Variants in ZBTB38 observed in about 807,000 individuals in gnomAD.
ZBTB38 encodes zinc finger and BTB domain containing 38.
Under a neutral mutation model 76.8 loss-of-function variants are expected in ZBTB38, and 20 were observed. The observed-to-expected ratio is 0.26, with a 90% CI of 0.18 to 0.38. The LOEUF (loss-of-function observed/expected upper bound fraction) is 0.38, where lower values mean the gene tolerates loss of function less well. Ranked by LOEUF, ZBTB38 falls within the 10% of genes least tolerant of loss-of-function variation. ZBTB38 has a pLI of 1.00. For synonymous variants in ZBTB38, 504 were observed against 544.2 expected, an observed-to-expected ratio of 0.93 and a Z score of 1.03; for missense variants, 1,082 against 1,482.3, an observed-to-expected ratio of 0.73 and a Z score of 4.43.
At chr3:141,383,070 T>C (rs886394869) in intron 3 of ZBTB38, among the ~76,000 whole-genome samples, 1 of 152,180 alleles carries the variant, frequency 6.6e-6, no homozygotes, top group Non-Finnish European at 1.5e-5. Context: ...GAAATAAACA[T>C]TGGACGTGTA....
chr3:141,412,872 C>T (rs568232530), intron 5 of ZBTB38, among the ~76,000 whole-genome samples: 2 of 152,074 alleles, frequency 1.3e-5, no homozygotes, highest in South Asian at 4.1e-4. Context: ...GTCGCTTTTC[C>T]ATAGTAGGAA....
intron 5 of ZBTB38, chr3:141,434,322 A>AGT: frequency 1.9e-6 from 1 of 528,806 alleles, no homozygotes; most frequent in Non-Finnish European, 2.4e-6. Context: ...TTATTCAGGC[A>AGT]GAATGTAGAA....
In ZBTB38 at chr3:141,445,833, T is replaced by C. The variant is rs200635055; in HGVS notation, c.3445T>C (p.Phe1149Leu). The C allele has an allele frequency of 1.1e-5, 18 of 1,614,134 alleles. No homozygotes were observed. Among genetic ancestry groups the C allele is most frequent in the Non-Finnish European group, 1.4e-5 (17 of 1,180,040 alleles). ...ALGMHQKKHL[F>L]KSPSQQEKIG... Reference sequence around the variant, plus strand: ...TGGAATGCACCAAAAGAAACACTTATTCAAAAGCCCAAGTCAGCAGGAGAA... The same window carrying C: ...TGGAATGCACCAAAAGAAACACTTACTCAAAAGCCCAAGTCAGCAGGAGAA... The change falls in exon 6 of 6, where the codon TTC (phenylalanine) becomes CTC (leucine). Residue 1149 changes from phenylalanine to leucine, a missense_variant. Transcript: ENST00000321464. This position sits in a 1 kb window ranked among gnomAD's most constrained non-coding sequence, Gnocchi z 6.5.
chr3:141,364,772 C>A (rs1209931226), upstream of ZBTB38, among the ~76,000 whole-genome samples: 1 of 144,312 alleles, frequency 6.9e-6, no homozygotes, highest in Admixed American at 7.2e-5. Context: ...TACAAGTGAC[C>A]AATAAGCTCC....
chr3:141,418,945 C>T (rs2074722467), intron 5 of ZBTB38, among the ~76,000 whole-genome samples: 1 of 152,196 alleles, frequency 6.6e-6, no homozygotes. Context: ...ATGCTATAGA[C>T]TGATCAGGAA....
chr3:141,441,722 C>G (rs757665675), intron 5 of ZBTB38, among the ~76,000 whole-genome samples: 27 of 152,132 alleles, frequency 1.8e-4, no homozygotes, highest in Non-Finnish European at 3.7e-4. Flanking sequence ...AAAAAAATAG[C>G]CTGGGCAACA....
At chr3:141,349,956 C>G (rs541397009) in intron 1 of ZBTB38, among the ~76,000 whole-genome samples, 4 of 152,196 alleles carry the variant, frequency 2.6e-5, no homozygotes, top group South Asian at 2.1e-4. Flanking sequence ...ACAAAAATAT[C>G]TCTATATATT....
intron 1 of ZBTB38, among the ~76,000 whole-genome samples, chr3:141,351,674 C>T (rs1268722126): frequency 7.0e-6 from 1 of 142,860 alleles, no homozygotes; most frequent in Non-Finnish European, 1.5e-5. Flanking sequence ...TAGCTGTAAT[C>T]ATTCCACTGC....
At chr3:141,379,339 T>C (rs1945864684) in intron 2 of ZBTB38, among the ~76,000 whole-genome samples, 1 of 152,192 alleles carries the variant, frequency 6.6e-6, no homozygotes, top group African/African-American at 2.4e-5. Context: ...TCCCAGGTTC[T>C]GCAGAGGAGT....
At chr3:141,412,232 G>GA (rs963572861) in intron 5 of ZBTB38, among the ~76,000 whole-genome samples, 27 of 150,790 alleles carry the variant, frequency 1.8e-4, no homozygotes, top group African/African-American at 6.1e-4. Flanking sequence ...TGGTCGGGAA[G>GA]AAAAAAAAAT....
At chr3:141,395,147 A>C (rs1473742225) in intron 4 of ZBTB38, among the ~76,000 whole-genome samples, 1 of 152,256 alleles carries the variant, frequency 6.6e-6, no homozygotes, top group East Asian at 1.9e-4. Context: ...GCAGCACGCT[A>C]TCTATAACAA....
At chr3:141,388,468 C>T (rs1369451298) in intron 4 of ZBTB38, 2 of 152,100 alleles carry the variant, frequency 1.3e-5, no homozygotes, top group Non-Finnish European at 2.9e-5. Flanking sequence ...AGAAATAGAG[C>T]TTCACTAAAT....
intron 1 of ZBTB38, among the ~76,000 whole-genome samples, chr3:141,350,520 T>A (rs1193950106): frequency 6.6e-6 from 1 of 152,194 alleles, no homozygotes; most frequent in Non-Finnish European, 1.5e-5. Flanking sequence ...CTACTTCAAT[T>A]TGGACGTCTT....
Position 141,400,206 on chromosome 3 carries a change from GA to G in ZBTB38, c.-105-3717del, listed in dbSNP as rs535058714. Among the ~76,000 whole-genome samples, 130 of 152,246 alleles carry G rather than the reference GA, an allele frequency of 8.5e-4. No homozygotes were observed. The South Asian group carries it at 0.026, about 31-fold the overall frequency. The stretch of plus-strand genomic sequence containing the variant: ...CTGTGACTGGTTATGAGGAAGGATG[GA>G]AAATTTTGAAGAACGGGTTGATTAT... On this transcript the variant is annotated intron_variant, in intron 4 of 5. Transcript: ENST00000321464.
chr3:141,391,546 C>A (rs1487589738), intron 4 of ZBTB38, among the ~76,000 whole-genome samples: 1 of 152,134 alleles, frequency 6.6e-6, no homozygotes, highest in Non-Finnish European at 1.5e-5. Flanking sequence ...CCCGTCACGA[C>A]CCTGAAACTG....
intron 5 of ZBTB38, among the ~76,000 whole-genome samples, chr3:141,429,617 T>C (rs1157366507): frequency 6.6e-6 from 1 of 151,068 alleles, no homozygotes; most frequent in African/African-American, 2.4e-5. Context: ...GCGGGCAGAG[T>C]GGACAGTAAA....
intron 4 of ZBTB38, chr3:141,396,448 C>A: frequency 6.0e-6 from 1 of 167,604 alleles, no homozygotes; most frequent in South Asian, 1.8e-4. Flanking sequence ...CCACTGAAGT[C>A]TTGAATCTCT....
At chr3:141,377,229 C>A (rs78606994) in intron 2 of ZBTB38, among the ~76,000 whole-genome samples, 3,962 of 152,314 alleles carry the variant, frequency 0.026, 127 homozygotes, top group East Asian at 0.091. Flanking sequence ...AAGACTCAGC[C>A]CCCCCATCCA....
At chr3:141,358,523 C>G (rs1354420042) in intron 1 of ZBTB38, among the ~76,000 whole-genome samples, 1 of 152,192 alleles carries the variant, frequency 6.6e-6, no homozygotes, top group Non-Finnish European at 1.5e-5. Flanking sequence ...CTGAAATGTT[C>G]TTTTAAAAAT....
Sources: gnomAD v4.1 joint callset for allele counts (sites outside exome capture counted in the v4.1 genomes callset) on GRCh38, gnomAD v4.1.1 for gene constraint, Gnocchi (gnomAD v3.1) non-coding constraint, MANE v1.5 for transcripts, NCBI Gene and HGNC (gene_info 2026-07-23, HGNC 2026-07-21) for gene names.